Variants in RORB observed in about 807,000 individuals in gnomAD.
The protein encoded by RORB is nuclear receptor ROR-beta.
A neutral mutation model predicts 59.1 loss-of-function variants in RORB; 6 were observed. The ratio of observed to expected loss-of-function variants is 0.10; its 90% CI spans 0.06 to 0.20. The LOEUF is 0.20. RORB is among the 10% of genes least tolerant of loss of function. The pLI, the probability that RORB is intolerant of heterozygous loss-of-function variation, is 1.00. For missense variants in RORB, 320 were observed against 560.5 expected (o/e 0.57, Z 4.33); for synonymous variants, 215 against 204.5 (o/e 1.05, Z -0.44).
intron 1 of RORB, among the ~76,000 whole-genome samples, chr9:74,626,770 T>G (rs1805036620): frequency 6.6e-6 from 1 of 152,226 alleles, no homozygotes; most frequent in African/African-American, 2.4e-5. Context: ...ATGCCTGTTA[T>G]AGTGGCAAGA....
At position 74,621,787 on chromosome 9, in the gene RORB, C is replaced by A. The variant is rs115236379; in HGVS notation, c.8-8495C>A. ...TTTTTAAGTAGGTTTATAGTGGCACCTCATTGCTTTTAATTTGCAATTCCT... is the reference window on the plus strand; with the variant it reads ...TTTTTAAGTAGGTTTATAGTGGCACATCATTGCTTTTAATTTGCAATTCCT... On this transcript the variant is annotated intron_variant, in intron 1 of 9. Coordinates refer to ENST00000376896, the MANE Select transcript of RORB (RefSeq NM_006914.4). 8.8e-3 allele frequency among the ~76,000 whole-genome samples: 1,336 copies of A among 152,300 alleles called. 22 individuals carry two copies. Among genetic ancestry groups the A allele is most frequent in the African/African-American group, 0.031 (1,268 of 41,558 alleles).
intron 1 of RORB, among the ~76,000 whole-genome samples, chr9:74,532,691 CTT>C (rs1826260459): frequency 6.7e-6 from 1 of 149,482 alleles, no homozygotes; most frequent in Admixed American, 6.7e-5. Flanking sequence ...TTATATATAA[CTT>C]ATACATATAT....
At chr9:74,577,361 A>G (rs1214626955) in intron 1 of RORB, among the ~76,000 whole-genome samples, 1 of 152,074 alleles carries the variant, frequency 6.6e-6, no homozygotes, top group East Asian at 1.9e-4. Flanking sequence ...AAGGGCTTTA[A>G]TGCAGGGTTA....
At chr9:74,606,192 T>TAG (rs1171522192) in intron 1 of RORB, among the ~76,000 whole-genome samples, 1 of 152,206 alleles carries the variant, frequency 6.6e-6, no homozygotes, top group East Asian at 1.9e-4. Flanking sequence ...CAATCCATGC[T>TAG]AGCTATTACT....
intron 3 of RORB, 74 bp from the exon 4 acceptor site, chr9:74,642,340 G>A (rs1823821606): frequency 2.8e-6 from 4 of 1,442,834 alleles, no homozygotes; most frequent in Non-Finnish European, 3.8e-6. Context: ...ACCATCCCAT[G>A]ACCCGTTGTA....
At chr9:74,658,024 A>AAG (rs1554673549) in intron 4 of RORB, among the ~76,000 whole-genome samples, 3 of 129,522 alleles carry the variant, frequency 2.3e-5, no homozygotes, top group African/African-American at 8.0e-5. Flanking sequence ...AAAAAAAAAA[A>AAG]AAAAGAAAAG....
chr9:74,634,499 G>C (rs1449632644), intron 2 of RORB, 132 bp from the exon 3 acceptor site: 1 of 710,166 alleles, frequency 1.4e-6, no homozygotes, highest in Non-Finnish European at 2.2e-6. Context: ...CATACAAGAA[G>C]AGGTATCCAA....
intron 6 of RORB, 21 bp from the exon 7 acceptor site, chr9:74,665,467 A>G (rs373116275): frequency 1.8e-5 from 26 of 1,445,574 alleles, no homozygotes; most frequent in Non-Finnish European, 2.4e-5. Context: ...TTTTATTTTT[A>G]TTTTTATTTT....
At chr9:74,551,539 T>C (rs1038902215) in intron 1 of RORB, among the ~76,000 whole-genome samples, 5 of 152,140 alleles carry the variant, frequency 3.3e-5, no homozygotes, top group African/African-American at 4.8e-5. Context: ...ACCTTATGAA[T>C]TGTTCATTTA....
At chr9:74,587,780 T>C (rs1223585582) in intron 1 of RORB, among the ~76,000 whole-genome samples, 1 of 152,208 alleles carries the variant, frequency 6.6e-6, no homozygotes, top group African/African-American at 2.4e-5. Context: ...TGTGCACACA[T>C]GTCAATCTCT....
At chr9:74,650,470 C>G (rs980777231) in intron 4 of RORB, among the ~76,000 whole-genome samples, 2 of 152,280 alleles carry the variant, frequency 1.3e-5, no homozygotes, top group African/African-American at 4.8e-5. Flanking sequence ...GGTATGCAAC[C>G]AATTTAACAG....
intron 1 of RORB, among the ~76,000 whole-genome samples, chr9:74,526,745 T>A (rs1294700151): frequency 6.6e-6 from 1 of 151,900 alleles, no homozygotes. Flanking sequence ...ACATCTGCAA[T>A]AATATAAAAG....
chr9:74,597,395 G>A (rs1822983701), intron 1 of RORB, among the ~76,000 whole-genome samples: 1 of 152,098 alleles, frequency 6.6e-6, no homozygotes, highest in African/African-American at 2.4e-5. Context: ...GCAGCCACAG[G>A]GCCTCATGGG....
intron 9 of RORB, among the ~76,000 whole-genome samples, chr9:74,681,745 C>T (rs983994840): frequency 3.9e-5 from 6 of 152,246 alleles, no homozygotes; most frequent in Non-Finnish European, 7.4e-5. Context: ...TGGTTTCAGT[C>T]ACCCTCTTAT....
intron 1 of RORB, among the ~76,000 whole-genome samples, chr9:74,594,229 G>A (rs1401186146): frequency 6.6e-6 from 1 of 152,154 alleles, no homozygotes; most frequent in East Asian, 1.9e-4. Context: ...CCTTTTGCAC[G>A]AGTGAGACCT....
At chr9:74,610,481 G>A (rs1264472644) in intron 1 of RORB, among the ~76,000 whole-genome samples, 1 of 152,180 alleles carries the variant, frequency 6.6e-6, no homozygotes, top group Non-Finnish European at 1.5e-5. Flanking sequence ...GGGCTGGACT[G>A]AATGCTTTGC....
chr9:74,569,482 T>C (rs1177382498), intron 1 of RORB, among the ~76,000 whole-genome samples: 3 of 152,112 alleles, frequency 2.0e-5, no homozygotes, highest in Non-Finnish European at 2.9e-5. Context: ...AGAGTGTTTA[T>C]TACATACCAA....
chr9:74,589,877 C>G (rs562426884), intron 1 of RORB, among the ~76,000 whole-genome samples: 19 of 152,258 alleles, frequency 1.2e-4, no homozygotes, highest in African/African-American at 4.3e-4. Flanking sequence ...CCACAATTTG[C>G]ACACTGCTAT....
chr9:74,553,150 C>T (rs982862863), intron 1 of RORB, among the ~76,000 whole-genome samples: 15 of 152,046 alleles, frequency 9.9e-5, no homozygotes, highest in Non-Finnish European at 1.6e-4. Context: ...CAGAGGGGCA[C>T]GGAGCAGAAG....
Sources: gnomAD v4.1 joint callset for allele counts (sites outside exome capture counted in the v4.1 genomes callset) on GRCh38, gnomAD v4.1.1 for gene constraint, MANE v1.5 for transcripts, NCBI Gene and HGNC (gene_info 2026-07-23, HGNC 2026-07-21) for gene names.